Variants in ROS1 observed in about 807,000 individuals in gnomAD.
The protein encoded by ROS1 is ROS proto-oncogene 1, receptor tyrosine kinase.
ROS1 carries 263 observed loss-of-function variants against 273.5 expected under a neutral mutation model. That is an observed-to-expected ratio of 0.96 (90% CI 0.87 to 1.06). The LOEUF is 1.06. Among genes scored for constraint, ROS1 ranks in the 50% least tolerant of loss-of-function variants. ROS1 has a pLI of 0.00. For synonymous variants in ROS1, 1,008 were observed against 954.1 expected, an observed-to-expected ratio of 1.06 and a Z score of -1.04; for missense variants, 2,833 against 2,751.1, an observed-to-expected ratio of 1.03 and a Z score of -0.67.
chr6:117,324,298 T>G (rs764267625), intron 35 of ROS1, 34 bp downstream of exon 35: 4 of 974,508 alleles, frequency 4.1e-6, no homozygotes, highest in Non-Finnish European at 6.5e-6. Context: ...AGTAAACAGT[T>G]TGTTGCCTAT....
intron 33 of ROS1, among the ~76,000 whole-genome samples, chr6:117,328,203 T>C (rs1255067326): frequency 2.0e-5 from 3 of 152,194 alleles, no homozygotes; most frequent in Non-Finnish European, 4.4e-5. Context: ...GAAGGACTTA[T>C]TTTGAGACAC....
chr6:117,341,660 G>A, intron 29 of ROS1, 28 bp from the exon 30 acceptor site: 1 of 1,545,192 alleles, frequency 6.5e-7, no homozygotes, highest in Non-Finnish European at 8.9e-7. Flanking sequence ...GAATGATAAA[G>A]GATGCTGCAA....
intron 43 of ROS1, 37 bp downstream of exon 43, chr6:117,300,937 C>A (rs2128536447): frequency 6.0e-6 from 9 of 1,502,980 alleles, no homozygotes; most frequent in Non-Finnish European, 8.0e-6. Context: ...GTTCACAGTG[C>A]AGCGAAAACT....
chr6:117,388,058 T>G (rs2128701659), intron 13 of ROS1, 66 bp from the exon 14 acceptor site: 1 of 1,603,772 alleles, frequency 6.2e-7, no homozygotes, highest in Middle Eastern at 1.7e-4. Flanking sequence ...CCAAGGATTC[T>G]CCATAAATTC....
intron 27 of ROS1, among the ~76,000 whole-genome samples, chr6:117,347,698 A>T (rs1778490864): frequency 6.8e-6 from 1 of 147,750 alleles, no homozygotes; most frequent in African/African-American, 2.7e-5. Context: ...AATGATGTTA[A>T]CAACAAGTTT....
chr6:117,362,186 G>A (rs2128653892), intron 22 of ROS1, among the ~76,000 whole-genome samples: 1 of 152,178 alleles, frequency 6.6e-6, no homozygotes, highest in East Asian at 1.9e-4. Flanking sequence ...TTGTGAAAGT[G>A]TCCTTCACCC....
intron 42 of ROS1, among the ~76,000 whole-genome samples, chr6:117,307,424 G>T (rs2128544232): frequency 6.6e-6 from 1 of 152,244 alleles, no homozygotes; most frequent in South Asian, 2.1e-4. Context: ...AGGTGTAAGA[G>T]ATGCAAAACA....
rs537274453 is a variant in ROS1, at chr6:117,410,390, T to G, written c.256-748A>C. Among the ~76,000 whole-genome samples, 48 of 152,274 alleles carry G rather than the reference T, an allele frequency of 3.2e-4. 1 individual carries two copies. Among genetic ancestry groups the G allele is most frequent in the African/African-American group, 1.1e-3 (47 of 41,566 alleles). ...CCGGTCTTCCTTGGAAAATTAAAAGTGGACTATAAATTTGTAGAGTAGCTG... is the reference window on the plus strand; with the variant it reads ...CCGGTCTTCCTTGGAAAATTAAAAGGGGACTATAAATTTGTAGAGTAGCTG... On this transcript the variant is annotated intron_variant, in intron 4 of 43. Coordinates refer to ENST00000368507, the MANE Select transcript of ROS1 (RefSeq NM_001378902.1).
intron 36 of ROS1, 48 bp downstream of exon 36, chr6:117,321,211 G>A: frequency 1.3e-6 from 2 of 1,595,124 alleles, no homozygotes; most frequent in Non-Finnish European, 1.7e-6. Context: ...CCTTACTGTT[G>A]CCCACCCTTT....
chr6:117,310,850 C>A (rs904024353), intron 40 of ROS1, among the ~76,000 whole-genome samples, 170 bp downstream of exon 40: 8 of 152,060 alleles, frequency 5.3e-5, no homozygotes, highest in African/African-American at 1.9e-4. Flanking sequence ...AATAAACATA[C>A]ATGTGCATGT....
intron 1 of ROS1, 97 bp from the exon 2 acceptor site, chr6:117,418,603 T>G (rs777209766): frequency 1.3e-6 from 1 of 797,754 alleles, no homozygotes; most frequent in South Asian, 2.1e-5. Flanking sequence ...TAACGTTGCC[T>G]CCTCCGCATT....
chr6:117,294,648 G>T (rs983775514), intron 43 of ROS1, among the ~76,000 whole-genome samples: 8 of 152,052 alleles, frequency 5.3e-5, no homozygotes, highest in Admixed American at 2.0e-4. Context: ...AAAATTCAGT[G>T]CATTTCTATA....
chr6:117,321,192 A>G lies in ROS1; in HGVS notation c.5759+67T>C, dbSNP rs749721343. The G allele has an allele frequency of 5.9e-6, 9 of 1,530,688 alleles. No individual in the cohort carries two copies. In the South Asian group the frequency reaches 1.0e-4, roughly 17 times the overall value. The allele number at this position is 1,530,688 out of a possible 1,614,324, so 94.8% of individuals were successfully genotyped here. ...CTGTCTTGGGCAATGCGGAATTCAT[A>G]GGCACTCTCCTTACTGTTGCCCACC... On this transcript the variant is annotated intron_variant, in intron 36 of 43. Coordinates refer to ENST00000368507, the MANE Select transcript of ROS1 (RefSeq NM_001378902.1).
intron 33 of ROS1, among the ~76,000 whole-genome samples, chr6:117,326,982 CA>C (rs1429390873): frequency 6.6e-6 from 1 of 152,120 alleles, no homozygotes; most frequent in Non-Finnish European, 1.5e-5. Flanking sequence ...GGAAGGAGCA[CA>C]AGGGCTGGGT....
At chr6:117,355,162 C>T (rs1409618334) in intron 26 of ROS1, among the ~76,000 whole-genome samples, 1 of 152,118 alleles carries the variant, frequency 6.6e-6, no homozygotes, top group African/African-American at 2.4e-5. Context: ...ACATGAAGAC[C>T]AAGGCTGAGG....
intron 38 of ROS1, among the ~76,000 whole-genome samples, chr6:117,317,802 G>C (rs1776021759): frequency 6.6e-6 from 1 of 152,108 alleles, no homozygotes; most frequent in Admixed American, 6.6e-5. Flanking sequence ...CAAACTGATA[G>C]ACAAGTTTAC....
At chr6:117,323,771 C>G (rs2128572765) in intron 35 of ROS1, among the ~76,000 whole-genome samples, 1 of 152,192 alleles carries the variant, frequency 6.6e-6, no homozygotes, top group South Asian at 2.1e-4. Flanking sequence ...TTTCTGCCTT[C>G]CTGGTCATTT....
chr6:117,313,409 A>G (rs1775687606), intron 39 of ROS1, among the ~76,000 whole-genome samples: 1 of 151,990 alleles, frequency 6.6e-6, no homozygotes, highest in African/African-American at 2.4e-5. Flanking sequence ...CTCTACTACA[A>G]AAAATATACA....
chr6:117,288,541 A>C lies in ROS1; in HGVS notation c.6977T>G (p.Leu2326Arg). 6.2e-7 allele frequency: 1 copy of C among 1,614,168 alleles called. No homozygotes were observed. Among genetic ancestry groups the C allele is most frequent in the Non-Finnish European group, 8.5e-7 (1 of 1,180,016 alleles). ...AYCPSGKPEG[L>R]NYACLTHSGY... is the part of the protein sequence containing the mutation. ...ACTGTGAGTGAGACAGGCATAGTTC[A>C]GGCCTTCAGGCTTGCCAGAAGGGCA... Residue 2326 changes from leucine to arginine, a missense_variant, in exon 44 of 44, where the codon CTG (leucine) becomes CGG (arginine). Leu to Arg is a moderately radical substitution (Grantham distance 102, BLOSUM62 -2). Transcript: ENST00000368507.
Sources: allele counts gnomAD v4.1 joint callset (sites outside exome capture counted in the v4.1 genomes callset), GRCh38; gene constraint gnomAD v4.1.1; transcripts MANE v1.5; gene names NCBI Gene and HGNC (gene_info 2026-07-23, HGNC 2026-07-21).